DRC3: variants seen among roughly 807,000 people sequenced by gnomAD.
DRC3 encodes the protein dynein regulatory complex subunit 3.
Under a neutral mutation model 57.6 loss-of-function variants are expected in DRC3, and 45 were observed. The observed-to-expected ratio is 0.78, with a 90% CI of 0.62 to 1.00. DRC3 has a LOEUF of 1.00. DRC3 is among the 50% of genes least tolerant of loss of function. The pLI is 0.00. For missense variants in DRC3, 655 were observed against 675.2 expected, an observed-to-expected ratio of 0.97 and a Z score of 0.33; for synonymous variants, 257 against 272.3, an observed-to-expected ratio of 0.94 and a Z score of 0.55.
Position 17,992,825 on chromosome 17 carries a change from T to A in DRC3, c.505T>A (p.Ser169Thr). The change falls in exon 6 of 14, where the codon TCT (serine) becomes ACT (threonine). Residue 169 changes from serine (S) to threonine (T), a missense_variant. Transcript: ENST00000399187. ...GCTCAGCCTCTCTAGGAACCCTATC[T>A]CTGAGGCAGAGGATTACAAGATGTT... ...RTLSLSRNPI[S>T]EAEDYKMFIC... The A allele has an allele frequency of 6.2e-7, 1 of 1,613,976 alleles. No individual in the cohort carries two copies. The highest frequency in any genetic ancestry group is 8.5e-7 in the Non-Finnish European group (1 of 1,179,850).
chr17:18,004,478 T>C lies in DRC3; in HGVS notation c.1115T>C (p.Leu372Pro). Residue 372 changes from leucine to proline, a missense_variant, in exon 10 of 14, where the codon CTG (leucine) becomes CCG (proline). By Grantham distance (98) the Leu-to-Pro change is moderately conservative. Transcript: ENST00000399187. Reference protein sequence around the residue: ...FDALMTLEMQLVEQLEETINM... With the variant: ...FDALMTLEMQPVEQLEETINM... Reference sequence around the variant, plus strand: ...GCGCTCATGACGCTGGAGATGCAGCTGGTGGAGCAGCTGGAGGTAAGGCTG... The same window carrying C: ...GCGCTCATGACGCTGGAGATGCAGCCGGTGGAGCAGCTGGAGGTAAGGCTG... 1 of 1,611,300 alleles carries C rather than the reference T, an allele frequency of 6.2e-7. No individual in the cohort carries two copies. The highest frequency in any genetic ancestry group is 8.5e-7 in the Non-Finnish European group (1 of 1,178,874).
At chr17:18,004,055 C>T (rs1034099095) in intron 9 of DRC3, among the ~76,000 whole-genome samples, 1 of 152,102 alleles carries the variant, frequency 6.6e-6, no homozygotes, top group Non-Finnish European at 1.5e-5. Context: ...CCCTGCCTAC[C>T]AGCCTCTAAT....
chr17:17,994,255 C>T lies in DRC3; in HGVS notation c.592-44C>T, dbSNP rs1196058905. 1.2e-5 allele frequency: 18 copies of T among 1,538,044 alleles called. No homozygotes were observed. The Admixed American group carries it at 1.4e-4, about 12-fold the overall frequency. On this transcript the variant is annotated intron_variant, in intron 6 of 13. Transcript: ENST00000399187. The stretch of plus-strand genomic sequence containing the variant: ...GCGGCATGGCAGAGGCGGTGTGGCT[C>T]GGAGGAACCTCTGGTAACAATGCCA...
At chr17:18,000,096 G>A (rs1232632850) in intron 9 of DRC3, among the ~76,000 whole-genome samples, 1 of 151,892 alleles carries the variant, frequency 6.6e-6, no homozygotes, top group African/African-American at 2.4e-5. Flanking sequence ...GTGTGTGTGT[G>A]TGTGTGTGTG....
chr17:18,015,714 C>T, intron 12 of DRC3: 1 of 208,828 alleles, frequency 4.8e-6, no homozygotes, highest in Non-Finnish European at 9.9e-6. Flanking sequence ...GCAAGTTAGA[C>T]TTGAGAGTAA....
Position 18,007,060 on chromosome 17 carries a change from C to G in DRC3, c.1239C>G (p.His413Gln), listed in dbSNP as rs778621351. ...AQCRDLENHH[H>Q]EKLLEISIST... ...GCCGGGACCTGGAGAATCACCACCA[C>G]GAGAAGCTCCTGGAGATCTCTATCA... The change falls in exon 12 of 14, where the codon CAC (histidine) becomes CAG (glutamine). Residue 413 changes from histidine (H) to glutamine (Q), a missense_variant. By Grantham distance (24) the His-to-Gln change is conservative (BLOSUM62 0). Coordinates refer to ENST00000399187, the MANE Select transcript of DRC3 (RefSeq NM_031294.4). The G allele has an allele frequency of 1.3e-6, 2 of 1,507,686 alleles. No homozygotes were observed. Among genetic ancestry groups the G allele is most frequent in the Non-Finnish European group, 1.8e-6 (2 of 1,123,708 alleles). 93.4% of individuals were successfully genotyped at this position (1,507,686 alleles called of 1,614,324 possible).
chr17:18,008,804 T>G lies in DRC3; in HGVS notation c.1326+1657T>G, dbSNP rs1228541518. On this transcript the variant is annotated intron_variant, in intron 12 of 13. Coordinates refer to ENST00000399187, the MANE Select transcript of DRC3 (RefSeq NM_031294.4). The surrounding 1 kb of genome is among the most constrained non-coding windows in gnomAD (Gnocchi z 4.3). ...TTGGAATTCCCCAGACAGACCATCT[T>G]GGGGTGGGTGGAGATCCCTCCCAGC... is the stretch of plus-strand genomic sequence containing the variant. Among the ~76,000 whole-genome samples, 1 of 152,222 alleles carries G rather than the reference T, an allele frequency of 6.6e-6. No individual in the cohort carries two copies. The highest frequency in any genetic ancestry group is 1.5e-5 in the Non-Finnish European group (1 of 68,038).
intron 4 of DRC3, among the ~76,000 whole-genome samples, 168 bp downstream of exon 4, chr17:17,984,112 T>C (rs1037779485): frequency 2.0e-5 from 3 of 152,160 alleles, no homozygotes; most frequent in Non-Finnish European, 4.4e-5. Context: ...TGCTATTTTT[T>C]AAAAGCCTAG....
chr17:18,008,150 C>T lies in DRC3; in HGVS notation c.1326+1003C>T, dbSNP rs577847077. On this transcript the variant is annotated intron_variant, in intron 12 of 13. Coordinates refer to ENST00000399187, the MANE Select transcript of DRC3 (RefSeq NM_031294.4). This position sits in a 1 kb window ranked among gnomAD's most constrained non-coding sequence, Gnocchi z 4.3. The stretch of plus-strand genomic sequence containing the variant: ...AGCCTCTGAGCTCTTCCCCAGTCAC[C>T]CAGGCTTGCTCCTTTCAGTTGATAT... Among the ~76,000 whole-genome samples, 1 of 152,220 alleles carries T rather than the reference C, an allele frequency of 6.6e-6. No homozygotes were observed. The highest frequency in any genetic ancestry group is 2.4e-5 in the African/African-American group (1 of 41,528).
At chr17:17,977,542 A>G in intron 2 of DRC3, 40 bp from the exon 3 acceptor site, 2 of 1,611,808 alleles carry the variant, frequency 1.2e-6, no homozygotes, top group Non-Finnish European at 1.7e-6. Flanking sequence ...TCAAACAGAG[A>G]AAGAAGCAGG....
chr17:18,010,037 G>A (rs1008732586), intron 12 of DRC3, among the ~76,000 whole-genome samples: 4 of 152,196 alleles, frequency 2.6e-5, no homozygotes, highest in Admixed American at 6.5e-5. Context: ...GAACATCCAC[G>A]CGGGTATCCG....
intron 9 of DRC3, among the ~76,000 whole-genome samples, chr17:17,999,741 G>A (rs1454219208): frequency 6.6e-6 from 1 of 152,248 alleles, no homozygotes; most frequent in Non-Finnish European, 1.5e-5. Flanking sequence ...AAGAACTGTA[G>A]TGAGAAACAG....
rs1457091273 is a variant in DRC3, at chr17:17,977,699, T to C, written c.101T>C (p.Leu34Pro). ...DQGPQEEAGQ[L>P]AKQEGILFKD... Reference sequence around the variant, plus strand: ...GGCCCCCAGGAGGAGGCCGGGCAGCTGGCCAAGCAGGAGGGCATCCTCTTC... The same window carrying C: ...GGCCCCCAGGAGGAGGCCGGGCAGCCGGCCAAGCAGGAGGGCATCCTCTTC... The change falls in exon 3 of 14, where the codon CTG becomes CCG. Residue 34 changes from leucine to proline, a missense_variant. By Grantham distance (98) the Leu-to-Pro change is moderately conservative. Coordinates refer to ENST00000399187, the MANE Select transcript of DRC3 (RefSeq NM_031294.4). 2.5e-6 allele frequency: 4 copies of C among 1,613,770 alleles called. No individual in the cohort carries two copies. Among genetic ancestry groups the C allele is most frequent in the Non-Finnish European group, 3.4e-6 (4 of 1,179,800 alleles).
chr17:18,016,381 C>G, intron 13 of DRC3, 177 bp from the exon 14 acceptor site: 2 of 813,620 alleles, frequency 2.5e-6, no homozygotes, highest in Non-Finnish European at 3.8e-6. Context: ...TGGGCTTCAT[C>G]ATTTTCCTAA....
At chr17:17,977,814 T>A in intron 3 of DRC3, 56 bp downstream of exon 3, 1 of 1,503,314 alleles carries the variant, frequency 6.7e-7, no homozygotes, top group Non-Finnish European at 8.9e-7. Context: ...TGGCTTTCTC[T>A]GCTCCATCTT....
chr17:17,988,280 A>AT, intron 5 of DRC3, 182 bp downstream of exon 5: 4 of 559,424 alleles, frequency 7.2e-6, no homozygotes, highest in Non-Finnish European at 8.3e-6. Flanking sequence ...TACCATGCTT[A>AT]CCCAACAAAA....
chr17:17,999,499 A>C (rs1252935108), intron 9 of DRC3, among the ~76,000 whole-genome samples: 1 of 152,080 alleles, frequency 6.6e-6, no homozygotes, highest in Non-Finnish European at 1.5e-5. Flanking sequence ...TCCCTCCCTG[A>C]CAGGCCCTCT....
intron 5 of DRC3, chr17:17,989,409 G>C (rs1397844991): frequency 6.6e-6 from 1 of 152,348 alleles, no homozygotes; most frequent in South Asian, 2.1e-4. Context: ...CTACATTTAG[G>C]AAGGAATTCA....
In DRC3 at chr17:18,007,163, TGCTC is replaced by T; in HGVS notation, c.1326+18_1326+21del. The T allele has an allele frequency of 1.6e-4, 6 of 38,322 alleles. No individual in the cohort carries two copies. Among genetic ancestry groups the T allele is most frequent in the Non-Finnish European group, 1.7e-4 (4 of 23,384 alleles). 2.4% of individuals were successfully genotyped at this position (38,322 alleles called of 1,614,324 possible). On this transcript the variant is annotated intron_variant, in intron 12 of 13. Coordinates refer to ENST00000399187, the MANE Select transcript of DRC3 (RefSeq NM_031294.4). ...CCTGCGCGCGGTAGGCGGGGCGGGC[TGCTC>T]GGAGCCTGACAGATGTGGTCCAGCC...
Sources: allele counts gnomAD v4.1 joint callset (sites outside exome capture counted in the v4.1 genomes callset), GRCh38; gene constraint gnomAD v4.1.1; non-coding constraint Gnocchi (gnomAD v3.1); transcripts MANE v1.5; gene names NCBI Gene and HGNC (gene_info 2026-07-23, HGNC 2026-07-21).